The following CYLD variants were observed in gnomAD, a reference collection of about 807,000 sequenced individuals.
The protein encoded by CYLD is CYLD lysine 63 deubiquitinase, also known as ubiquitin carboxyl-terminal hydrolase CYLD.
A neutral mutation model predicts 104.5 loss-of-function variants in CYLD; 26 were observed. The ratio of observed to expected loss-of-function variants is 0.25; its 90% CI spans 0.18 to 0.35. The LOEUF (loss-of-function observed/expected upper bound fraction) is 0.35. CYLD is among the 10% of genes least tolerant of loss of function. The probability of loss-of-function intolerance (pLI) is 1.00; values close to 1 mark genes in which losing one functional copy is unlikely to be tolerated. For missense variants in CYLD, 703 were observed against 1,136.1 expected, an observed-to-expected ratio of 0.62 and a Z score of 5.48; for synonymous variants, 385 against 399.9, an observed-to-expected ratio of 0.96 and a Z score of 0.45.
chr16:50,752,037 G>T (rs532396672), intron 4 of CYLD, 131 bp downstream of exon 4: 2 of 280,326 alleles, frequency 7.1e-6, no homozygotes, highest in Non-Finnish European at 1.2e-5. Flanking sequence ...ATATATATAT[G>T]TATTAGTTTT....
intron 5 of CYLD, among the ~76,000 whole-genome samples, chr16:50,766,527 T>C (rs1460476908): frequency 6.6e-6 from 1 of 152,186 alleles, no homozygotes; most frequent in African/African-American, 2.4e-5. Flanking sequence ...AAGTTTTATT[T>C]AAGAAATACA....
At position 50,749,795 on chromosome 16, in the gene CYLD, A is replaced by C; in HGVS notation, c.97A>C (p.Lys33Gln). 6.2e-7 allele frequency: 1 copy of C among 1,614,058 alleles called. No individual in the cohort carries two copies. Among genetic ancestry groups the C allele is most frequent in the Non-Finnish European group, 8.5e-7 (1 of 1,179,986 alleles). The part of the protein sequence containing the change: ...LLLQECSVTD[K>Q]QTQKLLKVPK... ...TCTTCAAGAATGCAGCGTTACAGAC[A>C]AACAAACACAAAAGCTCCTTAAAGT... Residue 33 changes from lysine (K) to glutamine (Q), a missense_variant, in exon 3 of 19, where the codon AAA becomes CAA. This residue lies in a region of CYLD where 142 missense variants were observed against 165.1 expected (regional missense o/e 0.86). Coordinates refer to ENST00000427738, the MANE Select transcript of CYLD (RefSeq NM_001378743.1).
chr16:50,794,217 C>T lies in CYLD; in HGVS notation c.2475C>T (p.His825=), dbSNP rs918661035. The change falls in exon 18 of 19, where the codon CAC becomes CAT. Residue 825 remains histidine (H), a synonymous_variant. Transcript: ENST00000427738. This position sits in a 1 kb window ranked among gnomAD's most constrained non-coding sequence, Gnocchi z 4.1. ...CTTTTCATGGTCCATTTTAGGTCCA[C>T]CTTCATCCGAAGAGGCTGAATCATA... The part of the protein sequence containing the change: ...QFCKTCNTQV[H]LHPKRLNHKY... 1.1e-5 allele frequency: 17 copies of T among 1,613,852 alleles called. No homozygotes were observed. Among genetic ancestry groups the T allele is most frequent in the East Asian group, 2.2e-5 (1 of 44,888 alleles).
At position 50,779,919 on chromosome 16, in the gene CYLD, G is replaced by A. The variant is rs770299815; in HGVS notation, c.1393G>A (p.Gly465Arg). The A allele has an allele frequency of 6.2e-7, 1 of 1,613,840 alleles. No homozygotes were observed. The highest frequency in any genetic ancestry group is 1.3e-5 in the African/African-American group (1 of 74,904). Residue 465 changes from glycine (G) to arginine (R), a missense_variant, in exon 9 of 19, where the codon GGG becomes AGG. Gly to Arg is a moderately radical substitution (Grantham distance 125). This residue lies in a region of CYLD where 183 missense variants were observed against 212.1 expected (regional missense o/e 0.86). Coordinates refer to ENST00000427738, the MANE Select transcript of CYLD (RefSeq NM_001378743.1). ...GAGTCCACCCTTGGCCATGCCTCCTGGGAACTCACATGGTCTAGAAGTGGG... is the reference window on the plus strand; with the variant it reads ...GAGTCCACCCTTGGCCATGCCTCCTAGGAACTCACATGGTCTAGAAGTGGG... ...QESPPLAMPP[G>R]NSHGLEVGSL...
chr16:50,788,536 G>C (rs1971079549), intron 14 of CYLD, among the ~76,000 whole-genome samples: 1 of 152,178 alleles, frequency 6.6e-6, no homozygotes, highest in African/African-American at 2.4e-5. Flanking sequence ...TGATGCCACT[G>C]TTGAACTGAT....
chr16:50,764,997 G>A (rs1968341536), intron 5 of CYLD, among the ~76,000 whole-genome samples: 1 of 152,166 alleles, frequency 6.6e-6, no homozygotes, highest in Non-Finnish European at 1.5e-5. Flanking sequence ...CATTATTTAT[G>A]TATTCTTGCA....
chr16:50,770,315 A>G (rs1259034470), intron 5 of CYLD, among the ~76,000 whole-genome samples: 2 of 151,910 alleles, frequency 1.3e-5, no homozygotes, highest in Admixed American at 6.6e-5. Context: ...TGTTGTCCCT[A>G]TTTTTAATTT....
intron 4 of CYLD, 110 bp from the exon 5 acceptor site, chr16:50,754,209 G>A (rs1966839680): frequency 2.7e-6 from 2 of 753,052 alleles, no homozygotes; most frequent in Non-Finnish European, 4.6e-6. Flanking sequence ...AGGTAAAATT[G>A]TTAACATTTA....
intron 5 of CYLD, among the ~76,000 whole-genome samples, chr16:50,769,707 C>A (rs759064197): frequency 4.6e-5 from 7 of 152,186 alleles, no homozygotes; most frequent in Non-Finnish European, 1.0e-4. Context: ...AACATCACAA[C>A]CAGAATGTTG....
chr16:50,771,420 C>T (rs765414983), intron 5 of CYLD, among the ~76,000 whole-genome samples: 19 of 152,140 alleles, frequency 1.2e-4, no homozygotes, highest in East Asian at 3.8e-4. Context: ...AGTCGATGGA[C>T]GTCAGTTTCT....
chr16:50,789,427 A>G (rs1597080223), intron 14 of CYLD, among the ~76,000 whole-genome samples: 1 of 152,266 alleles, frequency 6.6e-6, no homozygotes, highest in African/African-American at 2.4e-5. Flanking sequence ...CACGCCCAGT[A>G]ATAACATAGG....
intron 5 of CYLD, among the ~76,000 whole-genome samples, chr16:50,761,744 C>CTG (rs1332167619): frequency 8.3e-5 from 2 of 23,980 alleles, no homozygotes; most frequent in African/African-American, 4.7e-4. Context: ...GTACATATCT[C>CTG]TATATCTATC....
intron 9 of CYLD, among the ~76,000 whole-genome samples, chr16:50,780,538 A>G (rs1043954137): frequency 2.6e-5 from 4 of 152,164 alleles, no homozygotes; most frequent in African/African-American, 9.7e-5. Flanking sequence ...ATTTATTTAG[A>G]GATGGGGTCT....
At chr16:50,775,907 T>C (rs1187224692) in intron 6 of CYLD, among the ~76,000 whole-genome samples, 1 of 152,144 alleles carries the variant, frequency 6.6e-6, no homozygotes, top group Non-Finnish European at 1.5e-5. Flanking sequence ...TGACTACAAG[T>C]GATTAAATTT....
rs1010162276 is a variant in CYLD, at chr16:50,754,307, T to C, written c.808-12T>C. ...TTGAGGAGGATTTTAATGTTTATTA[T>C]TTAATTTCTAGGATAACCCTATTGG... On this transcript the variant is annotated splice_polypyrimidine_tract_variant and intron_variant, in intron 4 of 18. Coordinates refer to ENST00000427738, the MANE Select transcript of CYLD (RefSeq NM_001378743.1). The C allele has an allele frequency of 3.2e-6, 5 of 1,552,776 alleles. No homozygotes were observed. The highest frequency in any genetic ancestry group is 4.4e-6 in the Non-Finnish European group (5 of 1,124,860).
intron 13 of CYLD, chr16:50,787,305 G>A: frequency 3.3e-6 from 1 of 300,304 alleles, no homozygotes; most frequent in Non-Finnish European, 6.3e-6. Flanking sequence ...GTTGTAAAAG[G>A]GAGTTAGAAA....
At chr16:50,793,788 A>C in intron 17 of CYLD, 124 bp downstream of exon 17, 2 of 757,488 alleles carry the variant, frequency 2.6e-6, no homozygotes, top group Non-Finnish European at 4.7e-6. Context: ...ATTCACAATA[A>C]AATGGTATTG....
chr16:50,764,295 G>A (rs1968261154), intron 5 of CYLD, among the ~76,000 whole-genome samples: 1 of 152,122 alleles, frequency 6.6e-6, no homozygotes, highest in Admixed American at 6.5e-5. Flanking sequence ...TTGACTATTT[G>A]ACAAAGCTTC....
intron 5 of CYLD, among the ~76,000 whole-genome samples, chr16:50,759,521 C>A (rs1967667147): frequency 6.6e-6 from 1 of 152,118 alleles, no homozygotes; most frequent in Non-Finnish European, 1.5e-5. Flanking sequence ...TGCTTTTGAA[C>A]TTAATGTAGT....
Sources: gnomAD v4.1 joint callset for allele counts (sites outside exome capture counted in the v4.1 genomes callset) on GRCh38, gnomAD v4.1.1 for gene constraint, gnomAD v4.1.1 regional missense constraint, Gnocchi (gnomAD v3.1) non-coding constraint, MANE v1.5 for transcripts, NCBI Gene and HGNC (gene_info 2026-07-23, HGNC 2026-07-21) for gene names.